DAZAP1: variants seen among roughly 807,000 people sequenced by gnomAD.
DAZAP1 encodes the protein DAZ-associated protein 1.
A neutral mutation model predicts 60.1 loss-of-function variants in DAZAP1; 6 were observed. The observed-to-expected ratio is 0.10, with a 90% CI of 0.05 to 0.20. The LOEUF (loss-of-function observed/expected upper bound fraction) is 0.20. DAZAP1 is among the 10% of genes least tolerant of loss of function. DAZAP1 has a pLI of 1.00. For missense variants in DAZAP1, 366 were observed against 560.4 expected (o/e 0.65, Z 3.50); for synonymous variants, 235 against 215.9 (o/e 1.09, Z -0.78).
intron 5 of DAZAP1, 115 bp downstream of exon 5, chr19:1,421,373 G>A: frequency 1.2e-6 from 1 of 859,082 alleles, no homozygotes; most frequent in Non-Finnish European, 1.8e-6. Context: ...TTCAGGCTGG[G>A]AGCTCGCTGT....
At chr19:1,414,529 G>A (rs1176266536) in intron 1 of DAZAP1, among the ~76,000 whole-genome samples, 1 of 151,908 alleles carries the variant, frequency 6.6e-6, no homozygotes, top group African/African-American at 2.4e-5. Context: ...GGTGGATCAC[G>A]AGGTCAAGAG....
At chr19:1,417,422 A>G in intron 1 of DAZAP1, 78 bp from the exon 2 acceptor site, 1 of 1,494,684 alleles carries the variant, frequency 6.7e-7, no homozygotes, top group South Asian at 1.2e-5. Context: ...TTGAATTAAG[A>G]CCTCAGCTTG....
rs1169316428 is a variant in DAZAP1, at chr19:1,433,534, A to G, written c.1048+844A>G. 3.8e-6 allele frequency: 2 copies of G among 523,766 alleles called. No individual in the cohort carries two copies. The highest frequency in any genetic ancestry group is 6.9e-6 in the Non-Finnish European group (2 of 290,006). The allele number at this position is 523,766 out of a possible 1,614,324, so 32.4% of individuals were successfully genotyped here. ...CGAGGTGCCCGCCCACCCACCTCGC[A>G]TGGCTGTGGTTCCCCTGCCCCCACG... On this transcript the variant is annotated intron_variant, in intron 11 of 11. Transcript: ENST00000233078. The surrounding 1 kb of genome is among the most constrained non-coding windows in gnomAD (Gnocchi z 6.1).
intron 4 of DAZAP1, among the ~76,000 whole-genome samples, chr19:1,420,784 G>A (rs1417985288): frequency 2.0e-5 from 3 of 152,186 alleles, no homozygotes; most frequent in Non-Finnish European, 2.9e-5. Context: ...TCATTTCGTC[G>A]TCGCTGCTGC....
Position 1,429,542 on chromosome 19 carries a change from T to TA in DAZAP1, c.701-425_701-424insA, listed in dbSNP as rs369905061. On this transcript the variant is annotated intron_variant, in intron 8 of 11. Transcript: ENST00000233078. Reference sequence around the variant, plus strand: ...TGTGGGTCAGGGTTCCAGATGTACGTCGTCCGGGTCCCGAGACTGTGGCTT... The same window carrying TA: ...TGTGGGTCAGGGTTCCAGATGTACGTACGTCCGGGTCCCGAGACTGTGGCTT... Among the ~76,000 whole-genome samples the TA allele has an allele frequency of 4.1e-3, 625 of 152,306 alleles. 2 individuals are homozygous for TA. In the Middle Eastern group the frequency reaches 0.054, roughly 13 times the overall value.
At position 1,432,660 on chromosome 19, in the gene DAZAP1, G is replaced by A; in HGVS notation, c.1018G>A (p.Ala340Thr). 6.2e-7 allele frequency: 1 copy of A among 1,611,266 alleles called. No homozygotes were observed. The highest frequency in any genetic ancestry group is 8.5e-7 in the Non-Finnish European group (1 of 1,178,754). The change falls in exon 11 of 12, where the codon GCT becomes ACT. Residue 340 changes from alanine (A) to threonine (T), a missense_variant. By Grantham distance (58) the Ala-to-Thr change is moderately conservative. This residue lies in a region of DAZAP1 where 240 missense variants were observed against 308.8 expected (regional missense o/e 0.78). Coordinates refer to ENST00000233078, the MANE Select transcript of DAZAP1 (RefSeq NM_018959.4). The surrounding 1 kb of genome is among the most constrained non-coding windows in gnomAD (Gnocchi z 4.9). ...AAPDMSKPPT[A>T]QPDFPYGQYA... ...CCCGGACATGAGCAAGCCCCCGACA[G>A]CTCAGCCAGACTTCCCCTATGGTCA...
intron 7 of DAZAP1, chr19:1,427,023 TA>T (rs1219734206): frequency 6.6e-6 from 1 of 152,188 alleles, no homozygotes; most frequent in East Asian, 1.9e-4. Context: ...GTAGCATGTG[TA>T]GTTATTTTTG....
Position 1,407,602 on chromosome 19 carries a change from C to G in DAZAP1, c.-172C>G, listed in dbSNP as rs1007771154. ...CGCGGGGACGCGCGGTGACCGTTGGCGCCGAGGGGAGGAGGCAGCCGCCGC... is the reference window on the plus strand; with the variant it reads ...CGCGGGGACGCGCGGTGACCGTTGGGGCCGAGGGGAGGAGGCAGCCGCCGC... On this transcript the variant is annotated 5_prime_UTR_variant, in exon 1 of 12. Transcript: ENST00000233078. 5 of 352,960 alleles carry G rather than the reference C, an allele frequency of 1.4e-5. No homozygotes were observed. The highest frequency in any genetic ancestry group is 1.2e-4 in the African/African-American group (5 of 40,862). 21.9% of individuals were successfully genotyped at this position (352,960 alleles called of 1,614,324 possible).
Position 1,428,146 on chromosome 19 carries a change from G to C in DAZAP1, c.547-696G>C, listed in dbSNP as rs1163232155. ...GCTCCTGACACGTCTAGAGAGGAAG[G>C]GCCCCGGGCTGCTGAGCGAACACAG... On this transcript the variant is annotated intron_variant, in intron 7 of 11. Coordinates refer to ENST00000233078, the MANE Select transcript of DAZAP1 (RefSeq NM_018959.4). The surrounding 1 kb of genome is among the most constrained non-coding windows in gnomAD (Gnocchi z 4.0). The C allele has an allele frequency of 6.6e-6, 1 of 152,212 alleles. No homozygotes were observed. Among genetic ancestry groups the C allele is most frequent in the Non-Finnish European group, 1.5e-5 (1 of 68,100 alleles). 9.4% of individuals were successfully genotyped at this position (152,212 alleles called of 1,614,324 possible).
rs2083481806 is a variant in DAZAP1, at chr19:1,432,615, C to A, written c.973C>A (p.Pro325Thr). The change falls in exon 11 of 12, where the codon CCG becomes ACG. Residue 325 changes from proline (P) to threonine (T), a missense_variant. Around this residue, in one of 3 missense-constraint regions of DAZAP1, gnomAD observed 240 missense variants for 308.8 expected, o/e 0.78. Coordinates refer to ENST00000233078, the MANE Select transcript of DAZAP1 (RefSeq NM_018959.4). This position sits in a 1 kb window ranked among gnomAD's most constrained non-coding sequence, Gnocchi z 4.9. ...CGGGGCAGCACCTCTGGCTTTCCCA[C>A]CGCCTCCGTCTCAGGCTGCCCCGGA... ...TPGAAPLAFP[P>T]PPSQAAPDMS... 6.2e-7 allele frequency: 1 copy of A among 1,613,570 alleles called. No individual in the cohort carries two copies. The highest frequency in any genetic ancestry group is 1.7e-5 in the Admixed American group (1 of 60,006).
At chr19:1,421,395 C>G in intron 5 of DAZAP1, 137 bp downstream of exon 5, 1 of 707,856 alleles carries the variant, frequency 1.4e-6, no homozygotes, top group Non-Finnish European at 2.4e-6. Flanking sequence ...TCGTATTTCC[C>G]CAACGCCTGC....
chr19:1,432,497 C>G lies in DAZAP1; in HGVS notation c.872-17C>G, dbSNP rs772631816. The G allele has an allele frequency of 6.2e-7, 1 of 1,613,660 alleles. No homozygotes were observed. Among genetic ancestry groups the G allele is most frequent in the Admixed American group, 1.7e-5 (1 of 60,016 alleles). On this transcript the variant is annotated splice_polypyrimidine_tract_variant and intron_variant, in intron 10 of 11. Coordinates refer to ENST00000233078, the MANE Select transcript of DAZAP1 (RefSeq NM_018959.4). This position sits in a 1 kb window ranked among gnomAD's most constrained non-coding sequence, Gnocchi z 4.9. ...TGCACAACGTGTCTTGTGCCTTGCC[C>G]TCTTGTACCTCTGCAGGTTTTGGCT...
intron 4 of DAZAP1, among the ~76,000 whole-genome samples, chr19:1,419,008 C>T (rs1466145489): frequency 6.6e-6 from 1 of 151,698 alleles, no homozygotes; most frequent in East Asian, 2.0e-4. Flanking sequence ...GCCCTGTGTG[C>T]CCTCTGTGCC....
At chr19:1,408,116 A>C (rs1218111320) in intron 1 of DAZAP1, among the ~76,000 whole-genome samples, 1 of 147,066 alleles carries the variant, frequency 6.8e-6, no homozygotes, top group Non-Finnish European at 1.5e-5. Context: ...CCGAACGGCA[A>C]CCTGGGGGGG....
intron 10 of DAZAP1, among the ~76,000 whole-genome samples, chr19:1,431,771 G>A (rs535886237): frequency 9.2e-5 from 14 of 152,312 alleles, no homozygotes; most frequent in East Asian, 7.7e-4. Flanking sequence ...GGAGCCTTGC[G>A]TCCCTTACCT....
At chr19:1,415,776 C>T (rs934216915) in intron 1 of DAZAP1, 1 of 152,172 alleles carries the variant, frequency 6.6e-6, no homozygotes, top group African/African-American at 2.4e-5. Context: ...GCATGGTTTT[C>T]CCTGAAATTT....
At chr19:1,421,531 G>A (rs941318391) in intron 5 of DAZAP1, among the ~76,000 whole-genome samples, 3 of 152,274 alleles carry the variant, frequency 2.0e-5, no homozygotes, top group Non-Finnish European at 4.4e-5. Flanking sequence ...TGTGAACACC[G>A]TGGGGTCCAG....
chr19:1,435,391 G>A lies in DAZAP1; in HGVS notation c.*479G>A, dbSNP rs1413097099. On this transcript the variant is annotated 3_prime_UTR_variant, in exon 12 of 12. Coordinates refer to ENST00000233078, the MANE Select transcript of DAZAP1 (RefSeq NM_018959.4). Reference sequence around the variant, plus strand: ...GAGGGGGTGCGCTGTTAGTCCCCTCGCTCCTGGCTTTGGGGGTTGGGACTT... The same window carrying A: ...GAGGGGGTGCGCTGTTAGTCCCCTCACTCCTGGCTTTGGGGGTTGGGACTT... The A allele has an allele frequency of 1.3e-5, 2 of 152,234 alleles. No individual in the cohort carries two copies. Among genetic ancestry groups the A allele is most frequent in the Admixed American group, 6.5e-5 (1 of 15,280 alleles). 9.4% of individuals were successfully genotyped at this position (152,234 alleles called of 1,614,324 possible).
chr19:1,419,892 A>G (rs265266), intron 4 of DAZAP1, among the ~76,000 whole-genome samples: 6,641 of 92,384 alleles, frequency 0.072, 572 homozygotes, highest in East Asian at 0.29. Flanking sequence ...CACCCCACGC[A>G]CACACTCATG....
Sources: gnomAD v4.1 joint callset for allele counts (sites outside exome capture counted in the v4.1 genomes callset) on GRCh38, gnomAD v4.1.1 for gene constraint, gnomAD v4.1.1 regional missense constraint, Gnocchi (gnomAD v3.1) non-coding constraint, MANE v1.5 for transcripts, NCBI Gene and HGNC (gene_info 2026-07-23, HGNC 2026-07-21) for gene names.